SLX9: variants seen among roughly 807,000 people sequenced by gnomAD.
SLX9 encodes the protein ribosome biogenesis protein SLX9 homolog.
In SLX9, 19 loss-of-function variants were observed where a neutral mutation model predicts 20.8. The ratio of observed to expected loss-of-function variants is 0.91; its 90% CI spans 0.64 to 1.34. The LOEUF (loss-of-function observed/expected upper bound fraction) is 1.34. Ranked by LOEUF, SLX9 falls within the 40% of genes most tolerant of loss-of-function variation. The pLI, the probability that SLX9 is intolerant of heterozygous loss-of-function variation, is 0.00. For synonymous variants in SLX9, 113 were observed against 137.1 expected (o/e 0.82, Z 1.23); for missense variants, 299 against 322.2 (o/e 0.93, Z 0.55).
chr21:44,974,051 G>A (rs939662449), intron 5 of SLX9, among the ~76,000 whole-genome samples: 1 of 152,236 alleles, frequency 6.6e-6, no homozygotes, highest in African/African-American at 2.4e-5. Flanking sequence ...GCAGAAATTT[G>A]TACTCAGTTG....
chr21:44,957,112 G>A (rs2084872714), intron 2 of SLX9, among the ~76,000 whole-genome samples: 2 of 152,220 alleles, frequency 1.3e-5, no homozygotes, highest in South Asian at 4.1e-4. Context: ...TCTCTGTGCG[G>A]GGCCATTCAG....
intron 2 of SLX9, chr21:44,959,371 C>T (rs2084913595): frequency 3.6e-6 from 2 of 552,572 alleles, no homozygotes; most frequent in Non-Finnish European, 2.3e-6. Context: ...TGAGTCCACT[C>T]TGTTTCAGAG....
Position 44,967,045 on chromosome 21 carries a change from A to G in SLX9, c.364A>G (p.Ile122Val), listed in dbSNP as rs775140006. 7.5e-6 allele frequency: 12 copies of G among 1,610,538 alleles called. 1 individual carries two copies. Among genetic ancestry groups the G allele is most frequent in the South Asian group, 2.2e-5 (2 of 90,850 alleles). The change falls in exon 4 of 6, where the codon ATA becomes GTA. Residue 122 changes from isoleucine (I) to valine (V), a missense_variant. Transcript: ENST00000291634. ...TTCTCCTTCCTTAGAAATCGAAGCC[A>G]TAAAACTGGCTGAGCAGAAGCACAG... ...REQWLQKIEA[I>V]KLAEQKHREE...
intron 3 of SLX9, among the ~76,000 whole-genome samples, chr21:44,963,379 T>TC (rs1433721234): frequency 6.6e-6 from 1 of 151,610 alleles, no homozygotes; most frequent in Non-Finnish European, 1.5e-5. Flanking sequence ...TGAGAACTTT[T>TC]TTTTTTTTTT....
intron 4 of SLX9, among the ~76,000 whole-genome samples, chr21:44,972,148 T>C (rs973212122): frequency 3.9e-5 from 6 of 152,108 alleles, no homozygotes; most frequent in Non-Finnish European, 8.8e-5. Flanking sequence ...CTGAGGACTC[T>C]GCGTCTCTGC....
chr21:44,943,630 C>T, intron 1 of SLX9, 54 bp from the exon 2 acceptor site: 2 of 1,599,766 alleles, frequency 1.3e-6, no homozygotes, highest in South Asian at 2.2e-5. Context: ...CCTCTGAAAC[C>T]ACAGAGCAAG....
Position 44,976,062 on chromosome 21 carries a change from G to A in SLX9, c.570-618G>A, listed in dbSNP as rs529038374. 8.2e-4 allele frequency among the ~76,000 whole-genome samples: 125 copies of A among 152,368 alleles called. 1 individual carries two copies. Among genetic ancestry groups the A allele is most frequent in the African/African-American group, 2.8e-3 (115 of 41,590 alleles). On this transcript the variant is annotated intron_variant, in intron 5 of 5. Transcript: ENST00000291634. The stretch of plus-strand genomic sequence containing the variant: ...CAGAGCCCGTCTGGGAGCTGCCCCC[G>A]AGGCTTCTGTGCCTGAGAGGGGACC...
intron 2 of SLX9, chr21:44,959,166 G>C (rs2084910479): frequency 1.0e-6 from 1 of 979,870 alleles, no homozygotes; most frequent in South Asian, 4.7e-5. Flanking sequence ...CTGAAATGCA[G>C]AGCGCAGCGA....
intron 4 of SLX9, chr21:44,972,945 C>CGGG (rs1206051400): frequency 1.7e-4 from 28 of 166,214 alleles, no homozygotes; most frequent in Middle Eastern, 1.8e-3. Flanking sequence ...GCTTGGGGCC[C>CGGG]GCGGTCACAG....
intron 4 of SLX9, among the ~76,000 whole-genome samples, chr21:44,971,122 C>T (rs2085137064): frequency 6.6e-6 from 1 of 151,898 alleles, no homozygotes; most frequent in African/African-American, 2.4e-5. Flanking sequence ...GGAGGGGACC[C>T]CCCATGCTGT....
rs531721717 is a variant in SLX9 at position 44,974,384 on chromosome 21, C to G, written c.569+1119C>G. On this transcript the variant is annotated intron_variant, in intron 5 of 5. Transcript: ENST00000291634. ...GGAAGCTGGTGTCGAATGGTAGCTC[C>G]AAAGATTTCTTTATTGTCTCGGCCC... Among the ~76,000 whole-genome samples the G allele has an allele frequency of 2.0e-5, 3 of 152,208 alleles. No homozygotes were observed. The South Asian group carries it at 6.2e-4, about 32-fold the overall frequency.
At chr21:44,950,400 C>T (rs2084733874) in intron 2 of SLX9, among the ~76,000 whole-genome samples, 1 of 152,224 alleles carries the variant, frequency 6.6e-6, no homozygotes, top group African/African-American at 2.4e-5. Flanking sequence ...GGAAGCGAGG[C>T]TTGGGGTCAG....
intron 5 of SLX9, among the ~76,000 whole-genome samples, chr21:44,974,956 C>G (rs1043974023): frequency 1.3e-5 from 2 of 152,224 alleles, no homozygotes; most frequent in African/African-American, 2.4e-5. Flanking sequence ...CTCGGTGCCC[C>G]CATGTCCTTG....
At chr21:44,965,634 G>A (rs1314112256) in intron 3 of SLX9, among the ~76,000 whole-genome samples, 1 of 152,202 alleles carries the variant, frequency 6.6e-6, no homozygotes, top group Non-Finnish European at 1.5e-5. Flanking sequence ...GGCCACTGTG[G>A]AGGGTCACCC....
At chr21:44,967,618 C>T (rs1047672513) in intron 4 of SLX9, among the ~76,000 whole-genome samples, 2 of 152,184 alleles carry the variant, frequency 1.3e-5, no homozygotes, top group African/African-American at 2.4e-5. Context: ...CTGCAGTCTC[C>T]CCTCCTGAGT....
At chr21:44,965,657 C>G (rs556921169) in intron 3 of SLX9, among the ~76,000 whole-genome samples, 2 of 152,210 alleles carry the variant, frequency 1.3e-5, no homozygotes. Context: ...AGGCATTTCC[C>G]GGGAGAACCA....
intron 2 of SLX9, among the ~76,000 whole-genome samples, chr21:44,956,064 A>G (rs1205394668): frequency 6.6e-6 from 1 of 152,250 alleles, no homozygotes; most frequent in Non-Finnish European, 1.5e-5. Context: ...CAGCAAGGCT[A>G]CATTCAGCCT....
chr21:44,945,885 C>A (rs866663169), intron 2 of SLX9, among the ~76,000 whole-genome samples: 1 of 152,224 alleles, frequency 6.6e-6, no homozygotes, highest in East Asian at 1.9e-4. Context: ...CCAGCTAACG[C>A]CACCACGCCC....
intron 3 of SLX9, among the ~76,000 whole-genome samples, chr21:44,960,647 G>A (rs887445458): frequency 3.9e-5 from 6 of 152,274 alleles, no homozygotes; most frequent in South Asian, 2.1e-4. Context: ...CAGTGTCTGC[G>A]CATAGCGGCG....
Sources: gnomAD v4.1 joint callset for allele counts (sites outside exome capture counted in the v4.1 genomes callset) on GRCh38, gnomAD v4.1.1 for gene constraint, MANE v1.5 for transcripts, NCBI Gene and HGNC (gene_info 2026-07-23, HGNC 2026-07-21) for gene names.